The following LYRM4 variants were observed in gnomAD, a reference collection of about 807,000 sequenced individuals.
LYRM4 encodes LYR motif-containing protein 4.
A neutral mutation model predicts 11.7 loss-of-function variants in LYRM4; 9 were observed. That is an observed-to-expected ratio of 0.77 (90% CI 0.46 to 1.34). LYRM4 has a LOEUF of 1.34. Ranked by LOEUF, LYRM4 falls within the 40% of genes most tolerant of loss-of-function variation. The pLI, the probability that LYRM4 is intolerant of heterozygous loss-of-function variation, is 0.00. For synonymous variants in LYRM4, 42 were observed against 40.4 expected, an observed-to-expected ratio of 1.04 and a Z score of -0.15; for missense variants, 133 against 112.5, an observed-to-expected ratio of 1.18 and a Z score of -0.82.
At chr6:5,139,133 GAGA>G (rs1459671911) in intron 2 of LYRM4, among the ~76,000 whole-genome samples, 4 of 152,194 alleles carry the variant, frequency 2.6e-5, no homozygotes, top group Admixed American at 6.5e-5. Flanking sequence ...CTGCGGTAGG[GAGA>G]AGAAGACAGG....
intron 2 of LYRM4, among the ~76,000 whole-genome samples, chr6:5,214,960 G>A (rs1762190513): frequency 6.6e-6 from 1 of 152,148 alleles, no homozygotes; most frequent in Admixed American, 6.5e-5. Context: ...GGGCGCCCTT[G>A]CCCTGCACAT....
intron 2 of LYRM4, among the ~76,000 whole-genome samples, chr6:5,131,342 G>T (rs770382285): frequency 6.6e-6 from 1 of 152,134 alleles, no homozygotes; most frequent in African/African-American, 2.4e-5. Flanking sequence ...TAATCACAGA[G>T]AATTTGAATA....
the LYRM4 span, among the ~76,000 whole-genome samples, chr6:5,076,893 A>T: frequency 7.4e-4 from 112 of 152,226 alleles, no homozygotes; most frequent in Admixed American, 1.4e-3. Flanking sequence ...TCATGGCCTC[A>T]CCTCTGACAG....
chr6:5,097,026 T>C, the LYRM4 span, among the ~76,000 whole-genome samples: 6 of 152,348 alleles, frequency 3.9e-5, no homozygotes, highest in East Asian at 7.7e-4. Context: ...TTGTTTTCTG[T>C]TGCTTATAAC....
chr6:5,222,412 A>G (rs1195808111), intron 1 of LYRM4, among the ~76,000 whole-genome samples: 1 of 152,242 alleles, frequency 6.6e-6, no homozygotes, highest in Non-Finnish European at 1.5e-5. Flanking sequence ...TGCCTACTAT[A>G]TAAGCATTAT....
chr6:5,255,942 T>A (rs138528472), intron 1 of LYRM4, among the ~76,000 whole-genome samples: 3 of 152,180 alleles, frequency 2.0e-5, no homozygotes, highest in Non-Finnish European at 2.9e-5. Flanking sequence ...ATTTGACTTA[T>A]GATGATAATT....
At chr6:5,088,557 A>G in the LYRM4 span, 28 of 152,280 alleles carry the variant, frequency 1.8e-4, no homozygotes, top group African/African-American at 6.0e-4. Flanking sequence ...ATGCTACCGC[A>G]GCAGAGTGGA....
intron 2 of LYRM4, among the ~76,000 whole-genome samples, chr6:5,193,581 G>A (rs995708468): frequency 6.6e-6 from 1 of 152,218 alleles, no homozygotes; most frequent in Admixed American, 6.5e-5. Context: ...CAGAGGGAGA[G>A]TAAAGCAGAC....
chr6:5,085,130 G>C, the LYRM4 span: 3,219 of 295,990 alleles, frequency 0.011, 32 homozygotes, highest in African/African-American at 0.032. Context: ...GCGAACGACA[G>C]AAAGTCGCCC....
At chr6:5,085,632 T>G in the LYRM4 span, 1 of 1,548,126 alleles carries the variant, frequency 6.5e-7, no homozygotes, top group East Asian at 2.4e-5. Flanking sequence ...AGACCCCGAG[T>G]CCTGACGCTC....
the LYRM4 span, among the ~76,000 whole-genome samples, chr6:5,089,871 C>G: frequency 5.9e-5 from 9 of 152,196 alleles, no homozygotes; most frequent in Non-Finnish European, 1.0e-4. Flanking sequence ...GCCAACTTCT[C>G]ATTGTAGACT....
downstream of LYRM4, chr6:5,103,248 G>A (rs1046300494): frequency 3.3e-5 from 5 of 152,216 alleles, no homozygotes; most frequent in Non-Finnish European, 7.3e-5. Flanking sequence ...AGAAGAAGCG[G>A]GGAGGCATCT....
chr6:5,159,683 A>G (rs1758634619), intron 2 of LYRM4, among the ~76,000 whole-genome samples: 1 of 152,202 alleles, frequency 6.6e-6, no homozygotes, highest in South Asian at 2.1e-4. Context: ...CATTCTGTTC[A>G]AGACCTTTCC....
chr6:5,061,711 T>C, the LYRM4 span, among the ~76,000 whole-genome samples: 24 of 151,952 alleles, frequency 1.6e-4, no homozygotes, highest in Admixed American at 1.6e-3. Context: ...CAACAGGAAG[T>C]CTTGTACTGT....
In LYRM4 at chr6:5,260,815, G is replaced by C. The variant is rs1420786806; in HGVS notation, c.-82C>G. 2.0e-6 allele frequency: 3 copies of C among 1,527,480 alleles called. No homozygotes were observed. Among genetic ancestry groups the C allele is most frequent in the African/African-American group, 2.8e-5 (2 of 72,036 alleles). The allele number at this position is 1,527,480 out of a possible 1,614,324, so 94.6% of individuals were successfully genotyped here. ...AACCCACGAAACTCCAGCCTGTGCG[G>C]AAACCACGAACGAAATAAAATGCTG... On this transcript the variant is annotated 5_prime_UTR_variant, in exon 1 of 3. Transcript: ENST00000330636.
chr6:5,118,435 G>A (rs1763247573), intron 2 of LYRM4, among the ~76,000 whole-genome samples: 1 of 152,108 alleles, frequency 6.6e-6, no homozygotes, highest in Non-Finnish European at 1.5e-5. Flanking sequence ...TTTGATAGTA[G>A]AATTTCAGCA....
At chr6:5,085,614 C>G in the LYRM4 span, 2 of 1,547,728 alleles carry the variant, frequency 1.3e-6, no homozygotes, top group South Asian at 1.2e-5. Context: ...ACGGCGGTGG[C>G]GCTTCGGAGA....
chr6:5,108,878 C>T lies in LYRM4; in HGVS notation c.*545G>A, dbSNP rs1036223454. The T allele has an allele frequency of 1.2e-5, 12 of 988,282 alleles. No individual in the cohort carries two copies. The African/African-American group carries it at 1.9e-4, about 16-fold the overall frequency. 61.2% of individuals were successfully genotyped at this position (988,282 alleles called of 1,614,324 possible). On this transcript the variant is annotated 3_prime_UTR_variant, in exon 3 of 3. Coordinates refer to ENST00000330636, the MANE Select transcript of LYRM4 (RefSeq NM_020408.6). Reference sequence around the variant, plus strand: ...GCTCAGGTATAAGTTGCAGGGTGCACCGTGTATCCCCGTAGCCCTGCCCTA... The same window carrying T: ...GCTCAGGTATAAGTTGCAGGGTGCATCGTGTATCCCCGTAGCCCTGCCCTA...
rs752849679 is a variant in LYRM4, at chr6:5,260,625, G to A, written c.86+23C>T. ...CCCGGCCCCTGGCCCCCCGCCCCCG[G>A]CCCCCGGTGCCCGCTGGGTCACCTG... On this transcript the variant is annotated intron_variant, in intron 1 of 2. Transcript: ENST00000330636. 67 of 983,622 alleles carry A rather than the reference G, an allele frequency of 6.8e-5. 1 individual carries two copies. The highest frequency in any genetic ancestry group is 4.2e-4 in the Admixed American group (17 of 40,554). 60.9% of individuals were successfully genotyped at this position (983,622 alleles called of 1,614,324 possible). A position where few individuals can be genotyped will look rare whatever the true frequency, so the allele number is the denominator to read the frequency against.
Sources: gnomAD v4.1 joint callset for allele counts (sites outside exome capture counted in the v4.1 genomes callset) on GRCh38, gnomAD v4.1.1 for gene constraint, MANE v1.5 for transcripts, NCBI Gene and HGNC (gene_info 2026-07-23, HGNC 2026-07-21) for gene names.